TMEFF2: variants seen among roughly 807,000 people sequenced by gnomAD.
TMEFF2 encodes tomoregulin-2.
TMEFF2 carries 28 observed loss-of-function variants against 53.8 expected under a neutral mutation model. The ratio of observed to expected loss-of-function variants is 0.52; its 90% CI spans 0.39 to 0.71. The LOEUF is 0.71. TMEFF2 is among the 30% of genes least tolerant of loss of function. The pLI, the probability that TMEFF2 is intolerant of heterozygous loss-of-function variation, is 0.00. For synonymous variants in TMEFF2, 162 were observed against 166.3 expected (o/e 0.97, Z 0.20); for missense variants, 353 against 455.2 (o/e 0.78, Z 2.04).
At chr2:192,174,799 G>A (rs372450925) in intron 4 of TMEFF2, among the ~76,000 whole-genome samples, 4 of 151,628 alleles carry the variant, frequency 2.6e-5, no homozygotes, top group East Asian at 1.9e-4. Flanking sequence ...GAGCCCAAGC[G>A]CTTGGTGGGG....
chr2:191,977,486 C>G (rs910839079), intron 7 of TMEFF2, among the ~76,000 whole-genome samples: 25 of 152,266 alleles, frequency 1.6e-4, no homozygotes, highest in African/African-American at 5.8e-4. Context: ...TGAAGGAGCT[C>G]TAGACAGAAG....
At position 191,953,803 on chromosome 2, in the gene TMEFF2, T is replaced by A; in HGVS notation, c.904A>T (p.Lys302Ter). The A allele has an allele frequency of 6.2e-7, 1 of 1,613,754 alleles. No homozygotes were observed. The highest frequency in any genetic ancestry group is 1.3e-5 in the African/African-American group (1 of 75,000). Residue 302 changes from lysine (K) to a stop codon, truncating the protein, a stop_gained, in exon 9 of 10, where the codon AAA (lysine) becomes TAA (stop). Coordinates refer to ENST00000272771, the MANE Select transcript of TMEFF2 (RefSeq NM_016192.4). LOFTEE classifies it high-confidence loss of function. ...ACGTATAGAACACTGTAGTCCTTTTTTTCACAGTGTTGTCCAGTATAACCA... is the reference window on the plus strand; with the variant it reads ...ACGTATAGAACACTGTAGTCCTTTTATTCACAGTGTTGTCCAGTATAACCA... ...DAGYTGQHCE[K>*]KDYSVLYVVP...
chr2:192,168,691 A>G (rs1446162573), intron 4 of TMEFF2, among the ~76,000 whole-genome samples: 1 of 152,112 alleles, frequency 6.6e-6, no homozygotes, highest in African/African-American at 2.4e-5. Context: ...TATGAAGTTA[A>G]AATACTTCTA....
chr2:192,140,013 G>A (rs1423158741), intron 4 of TMEFF2, among the ~76,000 whole-genome samples: 2 of 152,070 alleles, frequency 1.3e-5, no homozygotes, highest in Non-Finnish European at 2.9e-5. Flanking sequence ...CAAGGTAGTT[G>A]ACTCAAAGCT....
At chr2:192,176,340 A>T (rs1248767589) in intron 4 of TMEFF2, among the ~76,000 whole-genome samples, 1 of 151,382 alleles carries the variant, frequency 6.6e-6, no homozygotes, top group East Asian at 1.9e-4. Context: ...GTTCGAAAAC[A>T]GAGTTCCATA....
chr2:192,035,960 T>A (rs1687281587), intron 5 of TMEFF2, among the ~76,000 whole-genome samples: 1 of 152,232 alleles, frequency 6.6e-6, no homozygotes, highest in Non-Finnish European at 1.5e-5. Context: ...CATCTCATAA[T>A]TGTGCAGTTA....
chr2:192,032,116 A>G (rs1239351209), intron 5 of TMEFF2: 1 of 152,230 alleles, frequency 6.6e-6, no homozygotes, highest in East Asian at 1.9e-4. Flanking sequence ...CATAAGATAT[A>G]TAAGACCAGC....
At chr2:192,188,974 C>CACATGTTT (rs943678662) in intron 2 of TMEFF2, among the ~76,000 whole-genome samples, 13 of 151,770 alleles carry the variant, frequency 8.6e-5, no homozygotes, top group African/African-American at 3.2e-4. Flanking sequence ...ACCCCCGTGA[C>CACATGTTT]ACATGTTTAC....
In TMEFF2 at chr2:191,966,903, A is replaced by G. The variant is rs186649918; in HGVS notation, c.746-10525T>C. Among the ~76,000 whole-genome samples, 5 of 152,288 alleles carry G rather than the reference A, an allele frequency of 3.3e-5. No individual in the cohort carries two copies. The East Asian group carries it at 9.6e-4, about 29-fold the overall frequency. ...ACTGGAGGGGTTTTTATAATTTATT[A>G]AACTAAGGAACAGAGGTATAGCTTT... On this transcript the variant is annotated intron_variant, in intron 7 of 9. Coordinates refer to ENST00000272771, the MANE Select transcript of TMEFF2 (RefSeq NM_016192.4).
At chr2:192,089,573 T>A (rs908288461) in intron 4 of TMEFF2, among the ~76,000 whole-genome samples, 1 of 152,062 alleles carries the variant, frequency 6.6e-6, no homozygotes, top group Admixed American at 6.6e-5. Flanking sequence ...CTGACCATTT[T>A]TTCGTGAGAA....
At chr2:192,008,933 C>T (rs1686564395) in intron 5 of TMEFF2, among the ~76,000 whole-genome samples, 1 of 152,208 alleles carries the variant, frequency 6.6e-6, no homozygotes, top group East Asian at 1.9e-4. Context: ...TGCAATTTCA[C>T]ATCATGCCCT....
intron 2 of TMEFF2, among the ~76,000 whole-genome samples, chr2:192,185,104 A>AAAAATTTC (rs1461454891): frequency 1.3e-5 from 2 of 152,094 alleles, no homozygotes; most frequent in Non-Finnish European, 2.9e-5. Flanking sequence ...GAACTCAGAG[A>AAAAATTTC]AAAATTTCAA....
intron 4 of TMEFF2, among the ~76,000 whole-genome samples, chr2:192,077,318 C>T (rs546139537): frequency 1.1e-4 from 17 of 152,164 alleles, no homozygotes; most frequent in Non-Finnish European, 2.2e-4. Flanking sequence ...CTCAAGTACT[C>T]CATTATGATG....
chr2:192,163,128 T>C (rs1173549036), intron 4 of TMEFF2, among the ~76,000 whole-genome samples: 1 of 152,192 alleles, frequency 6.6e-6, no homozygotes, highest in Non-Finnish European at 1.5e-5. Flanking sequence ...CTCTGTGAAC[T>C]GGGAAACTGA....
chr2:192,073,569 G>A (rs1177473797), intron 4 of TMEFF2, among the ~76,000 whole-genome samples: 1 of 151,820 alleles, frequency 6.6e-6, no homozygotes. Context: ...TGCATTCTTG[G>A]TGCGTAGAAA....
intron 4 of TMEFF2, among the ~76,000 whole-genome samples, chr2:192,073,119 A>G (rs963632927): frequency 6.6e-6 from 1 of 152,000 alleles, no homozygotes; most frequent in East Asian, 1.9e-4. Flanking sequence ...CAGATGGTTG[A>G]GGTAGTGATT....
At chr2:192,045,469 A>G (rs1486204157) in intron 5 of TMEFF2, among the ~76,000 whole-genome samples, 2 of 152,242 alleles carry the variant, frequency 1.3e-5, no homozygotes, top group Non-Finnish European at 2.9e-5. Flanking sequence ...TTTGTGTCCC[A>G]TGTAAATATT....
chr2:191,987,507 A>G (rs1488585069), intron 7 of TMEFF2, among the ~76,000 whole-genome samples: 1 of 152,072 alleles, frequency 6.6e-6, no homozygotes, highest in Non-Finnish European at 1.5e-5. Flanking sequence ...CTGGGGCTCA[A>G]GCTATCCTAT....
chr2:192,014,175 A>G (rs1339360862), intron 5 of TMEFF2, among the ~76,000 whole-genome samples: 1 of 151,742 alleles, frequency 6.6e-6, no homozygotes, highest in Non-Finnish European at 1.5e-5. Context: ...TTTAATTACC[A>G]AACAATGGTC....
Sources: gnomAD v4.1 joint callset for allele counts (sites outside exome capture counted in the v4.1 genomes callset) on GRCh38, gnomAD v4.1.1 for gene constraint, MANE v1.5 for transcripts, NCBI Gene and HGNC (gene_info 2026-07-23, HGNC 2026-07-21) for gene names.